MVD: variants seen among roughly 807,000 people sequenced by gnomAD.
MVD encodes mevalonate diphosphate decarboxylase, also known as diphosphomevalonate decarboxylase.
Under a neutral mutation model 42.4 loss-of-function variants are expected in MVD, and 52 were observed. The ratio of observed to expected loss-of-function variants is 1.23; its 90% CI spans 0.98 to 1.55. The LOEUF (loss-of-function observed/expected upper bound fraction) is 1.55. MVD is among the 40% of genes most tolerant of loss of function. MVD has a pLI of 0.00. For missense variants in MVD, 663 were observed against 572.1 expected, an observed-to-expected ratio of 1.16 and a Z score of -1.62; for synonymous variants, 287 against 243.2, an observed-to-expected ratio of 1.18 and a Z score of -1.68.
At position 88,652,576 on chromosome 16, in the gene MVD, G is replaced by T. The variant is rs1333160605; in HGVS notation, c.1152C>A (p.Asp384Glu). 6.4e-7 allele frequency: 1 copy of T among 1,569,356 alleles called. No individual in the cohort carries two copies. The highest frequency in any genetic ancestry group is 8.6e-7 in the Non-Finnish European group (1 of 1,157,176). The change falls in exon 10 of 10, where the codon GAC (aspartate) becomes GAA (glutamate). Residue 384 changes from aspartate (D) to glutamate (E), a missense_variant. Asp to Glu is a conservative substitution (Grantham distance 45, BLOSUM62 2). Transcript: ENST00000301012. ...CAGGACCCAGGAGGTGGGCGCAGGG[G>T]TCATCCAGGATTTGAGGCCCTGGCC... ...QVGPGPQILDDPCAHLLGPDG... is the reference protein window; with the variant it reads ...QVGPGPQILDEPCAHLLGPDG...
chr16:88,655,971 T>C, intron 5 of MVD, 134 bp downstream of exon 5: 2 of 1,292,888 alleles, frequency 1.5e-6, no homozygotes, highest in Non-Finnish European at 2.1e-6. Flanking sequence ...ACCACGCTTC[T>C]GTTCCTTCAG....
At chr16:88,657,820 C>T (rs562962722) in intron 3 of MVD, 95 bp downstream of exon 3, 1 of 1,374,776 alleles carries the variant, frequency 7.3e-7, no homozygotes, top group Non-Finnish European at 1.0e-6. Flanking sequence ...ACCCCGCCTG[C>T]TGCCTCAGGA....
Position 88,655,244 on chromosome 16 carries a change from G to A in MVD, c.852C>T (p.Ile284=), listed in dbSNP as rs1907832048. 6.3e-7 allele frequency: 1 copy of A among 1,584,132 alleles called. No homozygotes were observed. The highest frequency in any genetic ancestry group is 8.6e-7 in the Non-Finnish European group (1 of 1,165,308). ...ISYLNAISWR[I]IHLVHRFNAH... ...CGTTGAAGCGGTGCACCAGGTGGAT[G>A]ATGCGCCAGGAGATGGCATTGAGGT... is the stretch of plus-strand genomic sequence containing the variant. Residue 284 remains isoleucine, a synonymous_variant, in exon 7 of 10, where the codon ATC becomes ATT. Coordinates refer to ENST00000301012, the MANE Select transcript of MVD (RefSeq NM_002461.3).
At chr16:88,652,951 A>C (rs1222050666) in intron 9 of MVD, among the ~76,000 whole-genome samples, 2 of 151,950 alleles carry the variant, frequency 1.3e-5, no homozygotes, top group Non-Finnish European at 2.9e-5. Flanking sequence ...GTCAGAGGGC[A>C]GGAACTCCGG....
intron 3 of MVD, 57 bp downstream of exon 3, chr16:88,657,858 G>A (rs769493424): frequency 6.4e-7 from 1 of 1,554,778 alleles, no homozygotes; most frequent in Non-Finnish European, 8.8e-7. Flanking sequence ...GCACTTTCTG[G>A]ATGCTCGGAC....
chr16:88,658,359 G>A (rs917826176), intron 2 of MVD, among the ~76,000 whole-genome samples: 5 of 152,214 alleles, frequency 3.3e-5, no homozygotes, highest in Admixed American at 1.3e-4. Context: ...CTGGGAGATG[G>A]AACAGACACT....
rs756041753 is a variant in MVD at position 88,657,906 on chromosome 16, C to G, written c.256+9G>C. 2.5e-6 allele frequency: 4 copies of G among 1,612,334 alleles called. No homozygotes were observed. The highest frequency in any genetic ancestry group is 1.1e-5 in the South Asian group (1 of 91,054). On this transcript the variant is annotated intron_variant, in intron 3 of 9. Coordinates refer to ENST00000301012, the MANE Select transcript of MVD (RefSeq NM_002461.3). The stretch of plus-strand genomic sequence containing the variant: ...AGGGAGGGATGGGCTTATGGGGACC[C>G]CAGCTCACTCTCCCGCAGGCAGGCC...
intron 9 of MVD, 41 bp from the exon 10 acceptor site, chr16:88,652,646 C>T (rs951128851): frequency 7.9e-6 from 12 of 1,519,944 alleles, no homozygotes; most frequent in African/African-American, 4.1e-5. Context: ...GGAATGGCAG[C>T]GCCTCATCCT....
At chr16:88,656,670 C>T (rs1271732383) in intron 4 of MVD, 3 of 356,910 alleles carry the variant, frequency 8.4e-6, no homozygotes, top group East Asian at 6.1e-5. Context: ...GGGCAGGGAC[C>T]GATGCCAGGA....
chr16:88,656,171 C>T lies in MVD; in HGVS notation c.537G>A (p.Lys179=). The stretch of plus-strand genomic sequence containing the variant: ...GGGCCACTTGCCGAGCGATGCTGTC[C>T]TTCCCGTCGGCCTGCTCTCCCATCT... ...EWQMGEQADG[K]DSIARQVAPE... is the part of the protein sequence containing the mutation. The change falls in exon 5 of 10, where the codon AAG becomes AAA. Residue 179 remains lysine, a synonymous_variant. Transcript: ENST00000301012. The T allele has an allele frequency of 1.2e-6, 2 of 1,602,122 alleles. No individual in the cohort carries two copies. The highest frequency in any genetic ancestry group is 8.5e-7 in the Non-Finnish European group (1 of 1,179,922).
Position 88,663,027 on chromosome 16 carries a change from G to GA in MVD, c.53dup (p.Ala19ArgfsTer11). The stretch of plus-strand genomic sequence containing the variant: ...GGCACTCACAGTACTTGATGACCGC[G>GA]ATGTTGACCGGCGCTGTACAAGTGA... On this transcript the variant is annotated frameshift_variant, in exon 1 of 10. Coordinates refer to ENST00000301012, the MANE Select transcript of MVD (RefSeq NM_002461.3). LOFTEE classifies it high-confidence loss of function. 6.2e-7 allele frequency: 1 copy of GA among 1,608,348 alleles called. No individual in the cohort carries two copies. The highest frequency in any genetic ancestry group is 8.5e-7 in the Non-Finnish European group (1 of 1,178,014).
chr16:88,653,835 C>G (rs1053712862), intron 8 of MVD, among the ~76,000 whole-genome samples: 1 of 152,074 alleles, frequency 6.6e-6, no homozygotes, highest in Admixed American at 6.6e-5. Flanking sequence ...AAGCCCCACC[C>G]GGAGCAGCAG....
chr16:88,657,111 T>G, intron 4 of MVD: 1 of 482,616 alleles, frequency 2.1e-6, no homozygotes. Flanking sequence ...CGGGAAGATT[T>G]TTTTATTTTT....
chr16:88,662,707 C>T (rs1408222137), intron 1 of MVD: 20 of 1,401,400 alleles, frequency 1.4e-5, no homozygotes, highest in Non-Finnish European at 1.7e-5. Flanking sequence ...ACGGCGGATT[C>T]TTACGATTCA....
At chr16:88,655,046 A>G in intron 7 of MVD, 153 bp downstream of exon 7, 1 of 1,020,664 alleles carries the variant, frequency 9.8e-7, no homozygotes, top group Non-Finnish European at 1.4e-6. Context: ...AAACAGAAGA[A>G]CCCAGATGGT....
Position 88,652,596 on chromosome 16 carries a change from C to A in MVD, c.1132G>T (p.Gly378Trp). The change falls in exon 10 of 10, where the codon GGG (glycine) becomes TGG (tryptophan). Residue 378 changes from glycine (G) to tryptophan (W), a missense_variant. By Grantham distance (184) the Gly-to-Trp change is radical. Transcript: ENST00000301012. ...KYIIVTQVGP[G>W]PQILDDPCAH... is the part of the protein sequence containing the mutation. ...CAGGGGTCATCCAGGATTTGAGGCC[C>A]TGGCCCCACCTGGGGATAGAAATCC... 1 of 1,557,588 alleles carries A rather than the reference C, an allele frequency of 6.4e-7. No individual in the cohort carries two copies. The highest frequency in any genetic ancestry group is 8.7e-7 in the Non-Finnish European group (1 of 1,150,708).
At chr16:88,656,393 C>A in intron 4 of MVD, 89 bp from the exon 5 acceptor site, 1 of 1,388,310 alleles carries the variant, frequency 7.2e-7, no homozygotes, top group South Asian at 1.2e-5. Flanking sequence ...TCCCACACCC[C>A]ACGGCAAATG....
At chr16:88,652,970 G>C (rs904704635) in intron 9 of MVD, among the ~76,000 whole-genome samples, 1 of 152,084 alleles carries the variant, frequency 6.6e-6, no homozygotes, top group Non-Finnish European at 1.5e-5. Flanking sequence ...GGTCTGCTGG[G>C]GTGGTTGGGG....
At chr16:88,655,853 T>G in intron 5 of MVD, 123 bp from the exon 6 acceptor site, 1 of 1,245,916 alleles carries the variant, frequency 8.0e-7, no homozygotes, top group Non-Finnish European at 1.1e-6. Context: ...CAGTGCCACC[T>G]GCCTGACCAC....
Sources: gnomAD v4.1 joint callset for allele counts (sites outside exome capture counted in the v4.1 genomes callset) on GRCh38, gnomAD v4.1.1 for gene constraint, MANE v1.5 for transcripts, NCBI Gene and HGNC (gene_info 2026-07-23, HGNC 2026-07-21) for gene names.